Variants in SEMA3E observed in about 807,000 individuals in gnomAD.
SEMA3E encodes semaphorin 3E.
In SEMA3E, 49 loss-of-function variants were observed where a neutral mutation model predicts 93.6. The ratio of observed to expected loss-of-function variants is 0.52; its 90% CI spans 0.42 to 0.66. The LOEUF (loss-of-function observed/expected upper bound fraction) is 0.66. Among genes scored for constraint, SEMA3E ranks in the 30% least tolerant of loss-of-function variants. SEMA3E has a pLI of 0.00. For missense variants in SEMA3E, 906 were observed against 964.8 expected, an observed-to-expected ratio of 0.94 and a Z score of 0.81; for synonymous variants, 363 against 330.7, an observed-to-expected ratio of 1.10 and a Z score of -1.06.
At chr7:83,457,508 C>T (rs1420399576) in intron 4 of SEMA3E, among the ~76,000 whole-genome samples, 4 of 152,172 alleles carry the variant, frequency 2.6e-5, no homozygotes, top group Non-Finnish European at 5.9e-5. Context: ...AATTCCCTTT[C>T]ATGTTTGACA....
intron 4 of SEMA3E, among the ~76,000 whole-genome samples, chr7:83,443,382 C>G (rs894089016): frequency 6.6e-6 from 1 of 152,102 alleles, no homozygotes; most frequent in African/African-American, 2.4e-5. Context: ...AACAAAGCAT[C>G]AGTTATATGA....
At chr7:83,562,506 T>TTA in intron 1 of SEMA3E, among the ~76,000 whole-genome samples, 2 of 151,084 alleles carry the variant, frequency 1.3e-5, no homozygotes, top group Admixed American at 6.6e-5. Context: ...ATTTATTTAT[T>TTA]TTCAGTTGTA....
chr7:83,586,560 T>C (rs1202269224), intron 1 of SEMA3E, among the ~76,000 whole-genome samples: 2 of 151,898 alleles, frequency 1.3e-5, no homozygotes, highest in Non-Finnish European at 2.9e-5. Flanking sequence ...CTAGTTGTTG[T>C]ATTAATATAA....
intron 14 of SEMA3E, among the ~76,000 whole-genome samples, chr7:83,387,265 A>C (rs750809744): frequency 6.6e-6 from 1 of 152,148 alleles, no homozygotes; most frequent in Non-Finnish European, 1.5e-5. Context: ...CTTTATTTAC[A>C]TAATGTTGAA....
At chr7:83,420,882 C>A (rs1464848064) in intron 4 of SEMA3E, among the ~76,000 whole-genome samples, 3 of 99,426 alleles carry the variant, frequency 3.0e-5, no homozygotes, top group African/African-American at 3.2e-5. Context: ...AGAAGAAAAC[C>A]TAGGATATAC....
intron 11 of SEMA3E, among the ~76,000 whole-genome samples, chr7:83,398,925 C>G (rs1788181708): frequency 1.3e-5 from 2 of 151,924 alleles, no homozygotes; most frequent in Admixed American, 6.6e-5. Context: ...GCCTGGGCAA[C>G]AGAGCAGGAC....
At chr7:83,629,742 C>T (rs2115667320) in intron 1 of SEMA3E, among the ~76,000 whole-genome samples, 1 of 152,288 alleles carries the variant, frequency 6.6e-6, no homozygotes, top group Non-Finnish European at 1.5e-5. Flanking sequence ...GGGTGGGATC[C>T]ACTGAGCAAG....
intron 1 of SEMA3E, among the ~76,000 whole-genome samples, chr7:83,644,893 A>T (rs981730958): frequency 1.3e-5 from 2 of 151,940 alleles, no homozygotes; most frequent in African/African-American, 4.8e-5. Context: ...CTCTTCACCA[A>T]CTATTCTAGG....
At position 83,598,454 on chromosome 7, in the gene SEMA3E, G is replaced by A. The variant is rs555713971; in HGVS notation, c.115+49974C>T. On this transcript the variant is annotated intron_variant, in intron 1 of 16. Coordinates refer to ENST00000643230, the MANE Select transcript of SEMA3E (RefSeq NM_012431.3). ...CATTGAAATAATTAAATAATATAAA[G>A]AATTGAATATAGTGGCTTTTATAAA... 3.9e-5 allele frequency among the ~76,000 whole-genome samples: 6 copies of A among 152,250 alleles called. No homozygotes were observed. The South Asian group carries it at 1.2e-3, about 32-fold the overall frequency.
intron 5 of SEMA3E, among the ~76,000 whole-genome samples, chr7:83,412,893 G>T (rs527630727): frequency 5.7e-4 from 86 of 151,960 alleles, no homozygotes; most frequent in South Asian, 1.5e-3. Flanking sequence ...GTTCCTTGAG[G>T]GCCTTACGTT....
intron 4 of SEMA3E, among the ~76,000 whole-genome samples, chr7:83,461,310 A>G (rs1789611661): frequency 1.3e-5 from 2 of 151,884 alleles, no homozygotes; most frequent in South Asian, 2.1e-4. Flanking sequence ...TTCCTTTTCT[A>G]CAGACCAATC....
intron 5 of SEMA3E, among the ~76,000 whole-genome samples, chr7:83,411,143 C>T (rs1213616077): frequency 1.3e-5 from 2 of 152,002 alleles, no homozygotes; most frequent in Admixed American, 6.6e-5. Flanking sequence ...TTAACCAATG[C>T]TATAAAATTA....
intron 4 of SEMA3E, among the ~76,000 whole-genome samples, chr7:83,441,447 C>T (rs916579740): frequency 2.0e-5 from 3 of 152,052 alleles, no homozygotes; most frequent in Non-Finnish European, 2.9e-5. Context: ...TGTGAACCAA[C>T]ATGCAATGGC....
At chr7:83,538,012 A>T (rs7810691) in intron 1 of SEMA3E, among the ~76,000 whole-genome samples, 18 of 151,958 alleles carry the variant, frequency 1.2e-4, no homozygotes, top group Middle Eastern at 3.4e-3. Context: ...TTTACTTGGC[A>T]TGTTTTCAAG....
intron 16 of SEMA3E, among the ~76,000 whole-genome samples, chr7:83,373,462 C>T (rs187974187): frequency 1.6e-3 from 240 of 151,970 alleles, no homozygotes; most frequent in African/African-American, 5.3e-3. Flanking sequence ...TATGACAGAG[C>T]ATAAAAATAG....
chr7:83,545,690 G>A (rs2115780985), intron 1 of SEMA3E, among the ~76,000 whole-genome samples: 2 of 150,542 alleles, frequency 1.3e-5, no homozygotes, highest in Admixed American at 6.7e-5. Flanking sequence ...GGATAAGTCA[G>A]AAGAAAATTA....
At chr7:83,440,827 A>G (rs1040625223) in intron 4 of SEMA3E, among the ~76,000 whole-genome samples, 1 of 152,012 alleles carries the variant, frequency 6.6e-6, no homozygotes, top group Non-Finnish European at 1.5e-5. Flanking sequence ...AAAGACAGAT[A>G]AAAGTCTGTA....
intron 1 of SEMA3E, among the ~76,000 whole-genome samples, chr7:83,506,753 A>T (rs1455202573): frequency 2.0e-5 from 3 of 152,186 alleles, no homozygotes; most frequent in Non-Finnish European, 2.9e-5. Context: ...TAAGTTGGCA[A>T]ATGTGAACAC....
rs75349867 is a variant in SEMA3E, at chr7:83,583,244, G to T, written c.115+65184C>A. On this transcript the variant is annotated intron_variant, in intron 1 of 16. Transcript: ENST00000643230. Reference sequence around the variant, plus strand: ...TTTTTTAAGTTGATACATAATGATTGTACATATTTATGGGGTACAGTGTGA... The same window carrying T: ...TTTTTTAAGTTGATACATAATGATTTTACATATTTATGGGGTACAGTGTGA... Among the ~76,000 whole-genome samples, 1,149 of 152,154 alleles carry T rather than the reference G, an allele frequency of 7.6e-3. 10 individuals are homozygous for T. Among genetic ancestry groups the T allele is most frequent in the African/African-American group, 0.027 (1,106 of 41,516 alleles).
Sources: allele counts gnomAD v4.1 joint callset (sites outside exome capture counted in the v4.1 genomes callset), GRCh38; gene constraint gnomAD v4.1.1; transcripts MANE v1.5; gene names NCBI Gene and HGNC (gene_info 2026-07-23, HGNC 2026-07-21).